The following LYN variants were observed in gnomAD, a reference collection of about 807,000 sequenced individuals.
LYN encodes the protein tyrosine-protein kinase Lyn.
Under a neutral mutation model 65.0 loss-of-function variants are expected in LYN, and 12 were observed. That is an observed-to-expected ratio of 0.18 (90% CI 0.12 to 0.30). The LOEUF is 0.30. Ranked by LOEUF, LYN falls within the 10% of genes least tolerant of loss-of-function variation. LYN has a pLI of 1.00. For missense variants in LYN, 380 were observed against 623.2 expected (o/e 0.61, Z 4.16); for synonymous variants, 222 against 221.2 (o/e 1.00, Z -0.03).
chr8:55,957,330 A>G (rs543585540), intron 8 of LYN, among the ~76,000 whole-genome samples: 1 of 152,306 alleles, frequency 6.6e-6, no homozygotes, highest in South Asian at 2.1e-4. Context: ...TATTTTCCCC[A>G]ATTTTAATCA....
At chr8:55,928,217 C>G (rs1423805729) in intron 1 of LYN, among the ~76,000 whole-genome samples, 2 of 152,224 alleles carry the variant, frequency 1.3e-5, no homozygotes, top group Non-Finnish European at 2.9e-5. Context: ...GCAATCTCAG[C>G]TCACTGCAAC....
chr8:55,952,024 C>T lies in LYN; in HGVS notation c.546C>T (p.His182=), dbSNP rs775380138. 3.1e-6 allele frequency: 5 copies of T among 1,612,494 alleles called. No homozygotes were observed. Among genetic ancestry groups the T allele is most frequent in the Non-Finnish European group, 2.5e-6 (3 of 1,179,620 alleles). Residue 182 remains histidine (H), a synonymous_variant, in exon 7 of 13, where the codon CAC becomes CAT. Transcript: ENST00000519728. ...FDPVHGDVIK[H]YKIRSLDNGG... ...CTGTGCATGGTGATGTTATTAAGCA[C>T]TACAAAATTAGAAGTCTGGATAATG...
chr8:55,880,340 G>A (rs1259644286), intron 1 of LYN, among the ~76,000 whole-genome samples: 1 of 151,958 alleles, frequency 6.6e-6, no homozygotes. Flanking sequence ...CGGGGACTGA[G>A]GCTCCGCAGG....
intron 1 of LYN, among the ~76,000 whole-genome samples, chr8:55,904,223 A>T (rs1290145420): frequency 6.6e-6 from 1 of 152,200 alleles, no homozygotes; most frequent in Non-Finnish European, 1.5e-5. Flanking sequence ...TGAAGCTAAT[A>T]CTTTGTAAAT....
intron 10 of LYN, among the ~76,000 whole-genome samples, chr8:55,970,324 C>T (rs1807578089): frequency 6.6e-6 from 1 of 152,074 alleles, no homozygotes; most frequent in African/African-American, 2.4e-5. Flanking sequence ...CTAGGAGTTG[C>T]CTGTTTATTT....
intron 1 of LYN, among the ~76,000 whole-genome samples, chr8:55,887,005 C>G (rs1047998567): frequency 2.0e-5 from 3 of 152,220 alleles, no homozygotes; most frequent in African/African-American, 7.2e-5. Context: ...TTTCATCCCC[C>G]CTTCCAACGT....
intron 8 of LYN, among the ~76,000 whole-genome samples, chr8:55,959,763 T>A (rs1393426900): frequency 6.6e-6 from 1 of 152,008 alleles, no homozygotes; most frequent in Non-Finnish European, 1.5e-5. Flanking sequence ...GTCCATCAGA[T>A]GATGAATGGG....
chr8:55,954,038 T>C, intron 8 of LYN, 54 bp downstream of exon 8: 1 of 1,583,076 alleles, frequency 6.3e-7, no homozygotes. Flanking sequence ...ACAGGAGAAG[T>C]AAAGGCTCAA....
chr8:55,946,014 A>G (rs1294168922), intron 2 of LYN, among the ~76,000 whole-genome samples: 1 of 152,206 alleles, frequency 6.6e-6, no homozygotes, highest in Non-Finnish European at 1.5e-5. Flanking sequence ...GGAGAGAGAA[A>G]GAGGCAAGGG....
intron 8 of LYN, among the ~76,000 whole-genome samples, chr8:55,958,364 T>C (rs1807179848): frequency 6.6e-6 from 1 of 152,224 alleles, no homozygotes; most frequent in African/African-American, 2.4e-5. Flanking sequence ...AAGTATCTGA[T>C]TGTTTTATAC....
chr8:55,945,674 G>A lies in LYN; in HGVS notation c.133-774G>A, dbSNP rs1005329905. On this transcript the variant is annotated intron_variant, in intron 2 of 12. Transcript: ENST00000519728. Reference sequence around the variant, plus strand: ...TGTGGCACTGTGAAGAAAAGAATTTGATTTTAAAGGTAATTGAGGTGGTCT... The same window carrying A: ...TGTGGCACTGTGAAGAAAAGAATTTAATTTTAAAGGTAATTGAGGTGGTCT... 3.3e-5 allele frequency among the ~76,000 whole-genome samples: 5 copies of A among 152,292 alleles called. No individual in the cohort carries two copies. The East Asian group carries it at 9.6e-4, about 29-fold the overall frequency.
chr8:55,928,327 G>A (rs1415935724), intron 1 of LYN, among the ~76,000 whole-genome samples: 2 of 152,122 alleles, frequency 1.3e-5, no homozygotes, highest in East Asian at 1.9e-4. Flanking sequence ...TGTATTTTTA[G>A]TAGAGATGGG....
At chr8:55,938,524 T>G (rs1806507007) in intron 1 of LYN, among the ~76,000 whole-genome samples, 1 of 152,168 alleles carries the variant, frequency 6.6e-6, no homozygotes, top group South Asian at 2.1e-4. Context: ...CCCTGGCCCT[T>G]CTTGCCAGAA....
intron 1 of LYN, among the ~76,000 whole-genome samples, chr8:55,909,595 C>A (rs974413596): frequency 2.0e-5 from 3 of 152,164 alleles, no homozygotes; most frequent in Non-Finnish European, 4.4e-5. Context: ...GTAATGATAT[C>A]TTTTCTTTTG....
At chr8:55,986,231 T>TAGTC (rs1277133778) in intron 10 of LYN, among the ~76,000 whole-genome samples, 1 of 144,708 alleles carries the variant, frequency 6.9e-6, no homozygotes, top group Non-Finnish European at 1.5e-5. Context: ...GCTAAGGGAG[T>TAGTC]AGTCATGGCA....
intron 1 of LYN, among the ~76,000 whole-genome samples, chr8:55,897,464 G>A (rs534705767): frequency 1.3e-5 from 2 of 152,254 alleles, no homozygotes; most frequent in East Asian, 3.9e-4. Flanking sequence ...AAGATCTCCA[G>A]AGTCTAGTAA....
intron 1 of LYN, among the ~76,000 whole-genome samples, chr8:55,921,229 G>A (rs1001266149): frequency 2.6e-4 from 39 of 152,284 alleles, no homozygotes; most frequent in African/African-American, 9.4e-4. Context: ...GAATAAGCAC[G>A]TGGAATTTCT....
At chr8:55,946,419 T>G (rs900773746) in intron 2 of LYN, 29 bp from the exon 3 acceptor site, 4 of 1,537,556 alleles carry the variant, frequency 2.6e-6, no homozygotes, top group Middle Eastern at 3.4e-4. Flanking sequence ...TAAACAGAAT[T>G]TTTTTTTCTA....
At chr8:55,896,272 G>GA (rs1017278376) in intron 1 of LYN, among the ~76,000 whole-genome samples, 3 of 148,414 alleles carry the variant, frequency 2.0e-5, no homozygotes, top group African/African-American at 7.4e-5. Context: ...TCTCATCTCT[G>GA]AAAAAAAAAG....
Sources: gnomAD v4.1 joint callset for allele counts (sites outside exome capture counted in the v4.1 genomes callset) on GRCh38, gnomAD v4.1.1 for gene constraint, MANE v1.5 for transcripts, NCBI Gene and HGNC (gene_info 2026-07-23, HGNC 2026-07-21) for gene names.